The following LTBP1 variants were observed in gnomAD, a reference collection of about 807,000 sequenced individuals.
The protein encoded by LTBP1 is latent transforming growth factor beta binding protein 1, also known as latent-transforming growth factor beta-binding protein 1.
In LTBP1, 129 loss-of-function variants were observed where a neutral mutation model predicts 207.6. The ratio of observed to expected loss-of-function variants is 0.62; its 90% CI spans 0.54 to 0.72. The LOEUF (loss-of-function observed/expected upper bound fraction) is 0.72, where lower values mean the gene tolerates loss of function less well. Among genes scored for constraint, LTBP1 ranks in the 30% least tolerant of loss-of-function variants. The pLI is 0.00. For missense variants in LTBP1, 2,281 were observed against 2,217.2 expected (o/e 1.03, Z -0.58); for synonymous variants, 963 against 833.7 (o/e 1.16, Z -2.67).
intron 11 of LTBP1, among the ~76,000 whole-genome samples, chr2:33,253,938 G>A (rs920460266): frequency 3.0e-5 from 4 of 134,768 alleles, no homozygotes; most frequent in Admixed American, 1.7e-4. Context: ...TGCCCAGGCT[G>A]GAGTGCAGTT....
intron 2 of LTBP1, among the ~76,000 whole-genome samples, chr2:32,968,672 T>C (rs1680352562): frequency 6.6e-6 from 1 of 152,076 alleles, no homozygotes; most frequent in African/African-American, 2.4e-5. Flanking sequence ...TACTGTTTTC[T>C]ATTCATTGCC....
intron 8 of LTBP1, among the ~76,000 whole-genome samples, chr2:33,220,113 A>G (rs1037246532): frequency 3.3e-5 from 5 of 152,240 alleles, no homozygotes; most frequent in African/African-American, 9.6e-5. Flanking sequence ...AGGAAGGGCA[A>G]TGTGGACTAT....
rs746009762 is a variant in LTBP1 at position 32,947,792 on chromosome 2, G to A, written c.468G>A (p.Gln156=). ...AGAGCGGCGGAGGCTCTAGGCTGCA[G>A]GTTCACCAGAAGCAGCAGCTGCAGG... ...ETQSGGGSRL[Q]VHQKQQLQGV... The change falls in exon 1 of 34, where the codon CAG becomes CAA. Residue 156 remains glutamine (Q), a synonymous_variant. Transcript: ENST00000404816. 3 of 1,479,526 alleles carry A rather than the reference G, an allele frequency of 2.0e-6. No homozygotes were observed. The highest frequency in any genetic ancestry group is 2.2e-5 in the Admixed American group (1 of 45,100). The allele number at this position is 1,479,526 out of a possible 1,614,324, so 91.6% of individuals were successfully genotyped here.
At chr2:33,074,582 A>C (rs1449130497) in intron 3 of LTBP1, among the ~76,000 whole-genome samples, 1 of 152,046 alleles carries the variant, frequency 6.6e-6, no homozygotes, top group Non-Finnish European at 1.5e-5. Flanking sequence ...AAAATACAAA[A>C]ATTAGGGCTG....
chr2:33,159,488 T>G (rs536361873), intron 5 of LTBP1, among the ~76,000 whole-genome samples: 1 of 152,354 alleles, frequency 6.6e-6, no homozygotes, highest in East Asian at 1.9e-4. Flanking sequence ...TATTTCTTAT[T>G]CTTTGTGTCC....
At chr2:33,195,612 T>C (rs1414522080) in intron 7 of LTBP1, among the ~76,000 whole-genome samples, 1 of 152,174 alleles carries the variant, frequency 6.6e-6, no homozygotes. Context: ...AGAAAGTGCT[T>C]TCATGAGATG....
At chr2:32,983,843 A>G (rs1390948105) in intron 2 of LTBP1, among the ~76,000 whole-genome samples, 1 of 152,202 alleles carries the variant, frequency 6.6e-6, no homozygotes, top group African/African-American at 2.4e-5. Flanking sequence ...TAGATGGCCC[A>G]GTCTTGGGTG....
At chr2:33,295,477 A>C (rs1233803173) in intron 20 of LTBP1, among the ~76,000 whole-genome samples, 4 of 152,124 alleles carry the variant, frequency 2.6e-5, no homozygotes, top group Non-Finnish European at 5.9e-5. Flanking sequence ...CAGTGAACTG[A>C]GATCGTGCCA....
intron 3 of LTBP1, among the ~76,000 whole-genome samples, chr2:33,093,053 C>T (rs1259096492): frequency 2.0e-5 from 3 of 152,140 alleles, no homozygotes; most frequent in Non-Finnish European, 4.4e-5. Flanking sequence ...AAGAGACCAC[C>T]CCACAGAGCA....
chr2:33,315,654 A>T (rs2094258678), intron 24 of LTBP1, among the ~76,000 whole-genome samples: 1 of 152,176 alleles, frequency 6.6e-6, no homozygotes, highest in African/African-American at 2.4e-5. Context: ...TGTGTAAAAA[A>T]TGTCTTGCGG....
At chr2:33,213,869 A>G (rs1040880647) in intron 7 of LTBP1, among the ~76,000 whole-genome samples, 1 of 152,208 alleles carries the variant, frequency 6.6e-6, no homozygotes, top group Non-Finnish European at 1.5e-5. Flanking sequence ...TGGATGGCTT[A>G]TGCTGCTCTT....
intron 11 of LTBP1, among the ~76,000 whole-genome samples, chr2:33,255,635 A>G (rs1558894921): frequency 2.0e-5 from 3 of 152,328 alleles, no homozygotes; most frequent in Admixed American, 2.0e-4. Context: ...TGGTTTTTAA[A>G]GTCATGTTTT....
At position 32,947,083 on chromosome 2, in the gene LTBP1, C is replaced by A. The variant is rs548902512; in HGVS notation, c.-242C>A. The stretch of plus-strand genomic sequence containing the variant: ...CCCGCTCCCCTCGCCCCTCCCCGCT[C>A]CCCGGGCTCCGCGCTCCCCACCCCC... On this transcript the variant is annotated 5_prime_UTR_variant, in exon 1 of 34. Coordinates refer to ENST00000404816, the MANE Select transcript of LTBP1 (RefSeq NM_206943.4). The A allele has an allele frequency of 1.6e-5, 5 of 313,494 alleles. No homozygotes were observed. Among genetic ancestry groups the A allele is most frequent in the African/African-American group, 1.1e-4 (5 of 45,824 alleles). The allele number at this position is 313,494 out of a possible 1,614,324, so 19.4% of individuals were successfully genotyped here.
intron 24 of LTBP1, among the ~76,000 whole-genome samples, chr2:33,340,692 ATAG>A (rs369379318): frequency 1.2e-4 from 18 of 152,238 alleles, no homozygotes; most frequent in Middle Eastern, 3.4e-3. Flanking sequence ...AGGAAGAGGA[ATAG>A]TAGTAATAAT....
At chr2:33,342,695 A>G in intron 24 of LTBP1, 143 bp from the exon 25 acceptor site, 1 of 672,452 alleles carries the variant, frequency 1.5e-6, no homozygotes, top group Non-Finnish European at 2.3e-6. Flanking sequence ...AAAATATTTT[A>G]AAAGCTGTTT....
intron 5 of LTBP1, among the ~76,000 whole-genome samples, chr2:33,147,224 G>C (rs1198902130): frequency 1.3e-5 from 2 of 152,146 alleles, no homozygotes; most frequent in Non-Finnish European, 2.9e-5. Flanking sequence ...TTGGATATGT[G>C]TATTTTGAAA....
intron 3 of LTBP1, among the ~76,000 whole-genome samples, chr2:33,083,550 G>A (rs952216937): frequency 6.6e-6 from 1 of 152,058 alleles, no homozygotes; most frequent in Non-Finnish European, 1.5e-5. Context: ...TGGATTCAGG[G>A]AGACCCCAGG....
chr2:33,164,953 A>C (rs991514857), intron 5 of LTBP1, among the ~76,000 whole-genome samples: 3 of 152,258 alleles, frequency 2.0e-5, no homozygotes, highest in Admixed American at 6.5e-5. Flanking sequence ...TAAAGCAAGT[A>C]CATAAGAGTG....
At chr2:33,202,906 C>G (rs2089477529) in intron 7 of LTBP1, among the ~76,000 whole-genome samples, 1 of 152,192 alleles carries the variant, frequency 6.6e-6, no homozygotes, top group South Asian at 2.1e-4. Context: ...GAGCAGAGAG[C>G]TCAGTTGGAG....
Sources: gnomAD v4.1 joint callset for allele counts (sites outside exome capture counted in the v4.1 genomes callset) on GRCh38, gnomAD v4.1.1 for gene constraint, MANE v1.5 for transcripts, NCBI Gene and HGNC (gene_info 2026-07-23, HGNC 2026-07-21) for gene names.